The following FBXO31 variants were observed in gnomAD, a reference collection of about 807,000 sequenced individuals.
FBXO31 encodes the protein F-box only protein 31.
Under a neutral mutation model 54.4 loss-of-function variants are expected in FBXO31, and 24 were observed. That is an observed-to-expected ratio of 0.44 (90% CI 0.32 to 0.62). The LOEUF (loss-of-function observed/expected upper bound fraction) is 0.62. Among genes scored for constraint, FBXO31 ranks in the 20% least tolerant of loss-of-function variants. The probability of loss-of-function intolerance (pLI) is 0.05; values close to 1 mark genes in which losing one functional copy is unlikely to be tolerated. For synonymous variants in FBXO31, 388 were observed against 335.6 expected (o/e 1.16, Z -1.71); for missense variants, 665 against 787.1 (o/e 0.84, Z 1.86).
Position 87,336,901 on chromosome 16 carries a change from C to T in FBXO31, c.733-637G>A, listed in dbSNP as rs1905059894. Among the ~76,000 whole-genome samples the T allele has an allele frequency of 6.6e-6, 1 of 152,226 alleles. No homozygotes were observed. Among genetic ancestry groups the T allele is most frequent in the African/African-American group, 2.4e-5 (1 of 41,460 alleles). On this transcript the variant is annotated intron_variant, in intron 5 of 8. Coordinates refer to ENST00000311635, the MANE Select transcript of FBXO31 (RefSeq NM_024735.5). The surrounding 1 kb of genome is among the most constrained non-coding windows in gnomAD (Gnocchi z 6.5). ...TCGTGCTTAATGGTTTGATTCTACA[C>T]AATTTACAGAATTCACCCAAACTTC...
chr16:87,357,969 T>C (rs1905970252), intron 2 of FBXO31, among the ~76,000 whole-genome samples: 1 of 151,972 alleles, frequency 6.6e-6, no homozygotes, highest in South Asian at 2.1e-4. Flanking sequence ...ATTGAGGGTA[T>C]ATGCATATGT....
At position 87,336,004 on chromosome 16, in the gene FBXO31, G is replaced by A; in HGVS notation, c.842+151C>T. 1.6e-6 allele frequency: 1 copy of A among 608,918 alleles called. No individual in the cohort carries two copies. The highest frequency in any genetic ancestry group is 2.0e-5 in the South Asian group (1 of 49,282). The allele number at this position is 608,918 out of a possible 1,614,324, so 37.7% of individuals were successfully genotyped here. A position where few individuals can be genotyped will look rare whatever the true frequency, so the allele number is the denominator to read the frequency against. ...TGCTCCAAGCACCCAGAGAGAGAGG[G>A]GCTGTACTCCCAGCCCCCAGCAGGA... On this transcript the variant is annotated intron_variant, in intron 6 of 8. Transcript: ENST00000311635. This position sits in a 1 kb window ranked among gnomAD's most constrained non-coding sequence, Gnocchi z 6.5.
chr16:87,383,848 C>G (rs1907212902), upstream of FBXO31: 2 of 844,658 alleles, frequency 2.4e-6, no homozygotes, highest in South Asian at 1.1e-4. This position sits in a 1 kb window ranked among gnomAD's most constrained non-coding sequence, Gnocchi z 4.9. Flanking sequence ...GCCACGCCCC[C>G]TGGAGAGCCT....
intron 1 of FBXO31, among the ~76,000 whole-genome samples, chr16:87,381,029 G>T (rs56059702): frequency 0.48 from 72,471 of 152,050 alleles, 18,636 homozygotes; most frequent in Non-Finnish European, 0.55. Context: ...CCGCCTAATG[G>T]AGAAACTTCA....
chr16:87,377,314 C>T (rs949168154), intron 1 of FBXO31, among the ~76,000 whole-genome samples: 2 of 152,080 alleles, frequency 1.3e-5, no homozygotes, highest in African/African-American at 4.8e-5. Flanking sequence ...GGTGTGTTGG[C>T]ACGTGCCTAT....
rs777115705 is a variant in FBXO31, at chr16:87,360,299, C to T, written c.408G>A (p.Ala136=). Residue 136 remains alanine (A), a synonymous_variant, in exon 2 of 9, where the codon GCG becomes GCA. Coordinates refer to ENST00000311635, the MANE Select transcript of FBXO31 (RefSeq NM_024735.5). ...ITGVSCRDVY[A]KLLHRYRHIL... The stretch of plus-strand genomic sequence containing the variant: ...GTAACAAATAGATTCACTCACGCTT[C>T]GCATAGACGTCCCGACAAGACACGC... The T allele has an allele frequency of 9.9e-6, 16 of 1,614,072 alleles. No individual in the cohort carries two copies. The South Asian group carries it at 1.3e-4, about 13-fold the overall frequency.
At position 87,337,450 on chromosome 16, in the gene FBXO31, C is replaced by T. The variant is rs576291383; in HGVS notation, c.733-1186G>A. ...GGACTCGCCAAGTCTGAAATTCCTA[C>T]GGAAAAGCAAAGAACTGGGACAGAC... On this transcript the variant is annotated intron_variant, in intron 5 of 8. Transcript: ENST00000311635. Among the ~76,000 whole-genome samples, 20 of 152,304 alleles carry T rather than the reference C, an allele frequency of 1.3e-4. No individual in the cohort carries two copies. In the East Asian group the frequency reaches 3.1e-3, roughly 24 times the overall value.
At chr16:87,332,823 C>A (rs1046417706) in intron 8 of FBXO31, among the ~76,000 whole-genome samples, 1 of 152,180 alleles carries the variant, frequency 6.6e-6, no homozygotes, top group African/African-American at 2.4e-5. Context: ...AGCATACGCA[C>A]ATAGTGGCTT....
At position 87,330,942 on chromosome 16, in the gene FBXO31, G is replaced by GGGTCC. The variant is rs998048601; in HGVS notation, c.*341_*345dup. ...CTCACAGGAAGAGCACCAGTCAGGA[G>GGGTCC]GGTCCTGCTTCCCGAGAAAACCACC... On this transcript the variant is annotated 3_prime_UTR_variant, in exon 9 of 9. Coordinates refer to ENST00000311635, the MANE Select transcript of FBXO31 (RefSeq NM_024735.5). The GGGTCC allele has an allele frequency of 3.5e-6, 1 of 285,018 alleles. No homozygotes were observed. The highest frequency in any genetic ancestry group is 6.9e-6 in the Non-Finnish European group (1 of 145,884). 17.7% of individuals were successfully genotyped at this position (285,018 alleles called of 1,614,324 possible).
intron 1 of FBXO31, among the ~76,000 whole-genome samples, chr16:87,369,263 C>T (rs954527217): frequency 4.6e-5 from 7 of 152,048 alleles, no homozygotes; most frequent in Admixed American, 3.3e-4. Flanking sequence ...TCCATATCGC[C>T]GTGCAGCCTC....
At chr16:87,370,357 G>A (rs1008359316) in intron 1 of FBXO31, among the ~76,000 whole-genome samples, 1 of 152,244 alleles carries the variant, frequency 6.6e-6, no homozygotes, top group Non-Finnish European at 1.5e-5. Context: ...GGGGACTGCA[G>A]TAAGAAGGCA....
chr16:87,387,987 G>A (rs1264528014), upstream of FBXO31, among the ~76,000 whole-genome samples: 1 of 152,210 alleles, frequency 6.6e-6, no homozygotes, highest in East Asian at 1.9e-4. Flanking sequence ...GCGGGCTGAT[G>A]GAGCCTCCAC....
At chr16:87,341,838 A>C (rs1349995740) in intron 5 of FBXO31, among the ~76,000 whole-genome samples, 3 of 152,210 alleles carry the variant, frequency 2.0e-5, no homozygotes, top group African/African-American at 7.2e-5. Context: ...ATTCCGAGAA[A>C]CAGGACATTT....
At chr16:87,363,562 C>G (rs1345926979) in intron 1 of FBXO31, among the ~76,000 whole-genome samples, 1 of 152,136 alleles carries the variant, frequency 6.6e-6, no homozygotes. Flanking sequence ...GAAAATTCAG[C>G]AATTGCCTCC....
chr16:87,388,970 C>T (rs1907419889), intron 1 of FBXO31, among the ~76,000 whole-genome samples: 1 of 152,120 alleles, frequency 6.6e-6, no homozygotes, highest in Non-Finnish European at 1.5e-5. Context: ...TAAAATAATT[C>T]ATGAGTAATA....
At chr16:87,354,662 C>T (rs1905815667) in intron 2 of FBXO31, among the ~76,000 whole-genome samples, 1 of 152,082 alleles carries the variant, frequency 6.6e-6, no homozygotes, top group Non-Finnish European at 1.5e-5. Flanking sequence ...AGTAGTGACT[C>T]TGAGGTCACA....
rs538430805 is a variant in FBXO31 at position 87,361,523 on chromosome 16, G to A, written c.341-1157C>T. ...AGGTCAGGACCCTCCCTGTGGCAGC[G>A]AGGGAAACCGAGGCCCAGTGAAGTT... On this transcript the variant is annotated intron_variant, in intron 1 of 8. Coordinates refer to ENST00000311635, the MANE Select transcript of FBXO31 (RefSeq NM_024735.5). 1.7e-3 allele frequency among the ~76,000 whole-genome samples: 263 copies of A among 152,264 alleles called. 1 individual carries two copies. Among genetic ancestry groups the A allele is most frequent in the African/African-American group, 6.0e-3 (250 of 41,542 alleles).
chr16:87,369,875 C>CA (rs35142640), intron 1 of FBXO31, among the ~76,000 whole-genome samples: 4,757 of 148,692 alleles, frequency 0.032, 103 homozygotes, highest in Non-Finnish European at 0.049. Context: ...AAGAAAATTT[C>CA]AAAAAAAAAA....
chr16:87,387,675 C>T (rs562703403), upstream of FBXO31, among the ~76,000 whole-genome samples: 36 of 152,238 alleles, frequency 2.4e-4, no homozygotes, highest in Non-Finnish European at 3.2e-4. Context: ...GGCGTGTTGG[C>T]GGGCGCCTAT....
Sources: gnomAD v4.1 joint callset for allele counts (sites outside exome capture counted in the v4.1 genomes callset) on GRCh38, gnomAD v4.1.1 for gene constraint, Gnocchi (gnomAD v3.1) non-coding constraint, MANE v1.5 for transcripts, NCBI Gene and HGNC (gene_info 2026-07-23, HGNC 2026-07-21) for gene names.